SLC36A1: variants seen among roughly 807,000 people sequenced by gnomAD.
SLC36A1 encodes solute carrier family 36 member 1.
SLC36A1 carries 30 observed loss-of-function variants against 47.5 expected under a neutral mutation model. That is an observed-to-expected ratio of 0.63 (90% CI 0.47 to 0.86). SLC36A1 has a LOEUF of 0.86. Among genes scored for constraint, SLC36A1 ranks in the 40% least tolerant of loss-of-function variants. The pLI, the probability that SLC36A1 is intolerant of heterozygous loss-of-function variation, is 0.00. For missense variants in SLC36A1, 517 were observed against 606.0 expected (o/e 0.85, Z 1.54); for synonymous variants, 255 against 249.7 (o/e 1.02, Z -0.20).
chr5:151,417,681 CTT>C, the SLC36A1 span, among the ~76,000 whole-genome samples: 15 of 149,702 alleles, frequency 1.0e-4, no homozygotes, highest in African/African-American at 3.7e-4. Flanking sequence ...GGAATTGAAA[CTT>C]ATATTTAAAA....
the SLC36A1 span, among the ~76,000 whole-genome samples, chr5:151,506,938 C>A: frequency 1.3e-5 from 2 of 152,198 alleles, no homozygotes; most frequent in Non-Finnish European, 2.9e-5. Context: ...CATGGAGTGA[C>A]TTGGAATTTA....
At chr5:151,359,848 C>T in the SLC36A1 span, among the ~76,000 whole-genome samples, 12 of 152,180 alleles carry the variant, frequency 7.9e-5, no homozygotes, top group Non-Finnish European at 1.8e-4. Context: ...TAGAAACAAA[C>T]CAATAGTTTG....
At chr5:151,471,732 T>C (rs1757339719) in intron 7 of SLC36A1, among the ~76,000 whole-genome samples, 1 of 152,178 alleles carries the variant, frequency 6.6e-6, no homozygotes, top group South Asian at 2.1e-4. Context: ...TCAAAAGCAA[T>C]ATTACTGCTT....
At chr5:151,440,969 G>A (rs1752589250) in intron 1 of SLC36A1, among the ~76,000 whole-genome samples, 1 of 152,220 alleles carries the variant, frequency 6.6e-6, no homozygotes, top group Admixed American at 6.5e-5. Context: ...GCACGAGAGA[G>A]CATCAGACTC....
At chr5:151,524,354 A>G in the SLC36A1 span, among the ~76,000 whole-genome samples, 9 of 152,120 alleles carry the variant, frequency 5.9e-5, no homozygotes, top group Non-Finnish European at 1.3e-4. Flanking sequence ...CTCAAAATTC[A>G]TATGTTAAAA....
At chr5:151,544,164 G>A in the SLC36A1 span, 21 of 1,614,088 alleles carry the variant, frequency 1.3e-5, no homozygotes, top group Non-Finnish European at 5.1e-6. Flanking sequence ...TGATCTGGAA[G>A]AACTTGGAAA....
chr5:151,522,069 G>T, the SLC36A1 span: 287,547 of 1,586,952 alleles, frequency 0.18, 28,538 homozygotes, highest in Non-Finnish European at 0.2. Flanking sequence ...AGAGGGGAGG[G>T]ATGCCACTGT....
chr5:151,392,950 A>G, the SLC36A1 span, among the ~76,000 whole-genome samples: 1 of 151,920 alleles, frequency 6.6e-6, no homozygotes, highest in Non-Finnish European at 1.5e-5. Context: ...CAATTCCTGG[A>G]TATCCTTGTT....
the SLC36A1 span, among the ~76,000 whole-genome samples, chr5:151,514,922 G>C: frequency 0.79 from 119,713 of 152,242 alleles, 47,531 homozygotes; most frequent in East Asian, 0.96. Flanking sequence ...TACACACATG[G>C]TGTTATTGCT....
the SLC36A1 span, chr5:151,543,546 C>T: frequency 2.5e-6 from 4 of 1,614,206 alleles, no homozygotes; most frequent in Middle Eastern, 3.3e-4. Context: ...TGGAGAACTT[C>T]TCACTTGCTA....
chr5:151,443,621 T>C (rs1341821109), upstream of SLC36A1, among the ~76,000 whole-genome samples: 2 of 152,240 alleles, frequency 1.3e-5, no homozygotes, highest in Non-Finnish European at 2.9e-5. Flanking sequence ...AAGCTGCCGT[T>C]ACACTTTGTT....
In SLC36A1 at chr5:151,482,565, A is replaced by G. The variant is rs553558330; in HGVS notation, c.1159+3076A>G. ...GTCTTAATCCTCATGGGTGCCTTGT[A>G]AAAATAGTTGCAATTGTAGTTTACA... On this transcript the variant is annotated intron_variant, in intron 10 of 10. Transcript: ENST00000243389. 2.7e-4 allele frequency among the ~76,000 whole-genome samples: 41 copies of G among 152,322 alleles called. 2 individuals carry two copies. In the South Asian group the frequency reaches 8.3e-3, roughly 31 times the overall value.
At chr5:151,393,335 A>G in the SLC36A1 span, among the ~76,000 whole-genome samples, 1 of 152,116 alleles carries the variant, frequency 6.6e-6, no homozygotes, top group Non-Finnish European at 1.5e-5. Flanking sequence ...CAGCACACTG[A>G]TGGGTCTTGA....
chr5:151,358,796 AC>A, the SLC36A1 span, among the ~76,000 whole-genome samples: 1 of 150,134 alleles, frequency 6.7e-6, no homozygotes, highest in Non-Finnish European at 1.5e-5. Context: ...ACAAGGTGAA[AC>A]CCCGTCTCTA....
At chr5:151,544,432 T>A in the SLC36A1 span, 1 of 1,614,066 alleles carries the variant, frequency 6.2e-7, no homozygotes, top group African/African-American at 1.3e-5. Flanking sequence ...GGACTCATAG[T>A]CCAAAGGCCC....
At chr5:151,358,217 A>G in the SLC36A1 span, among the ~76,000 whole-genome samples, 4 of 152,138 alleles carry the variant, frequency 2.6e-5, no homozygotes, top group African/African-American at 9.7e-5. Flanking sequence ...GTCTTATGCA[A>G]AGACCCAAGT....
the SLC36A1 span, chr5:151,537,964 A>G: frequency 6.2e-7 from 1 of 1,612,050 alleles, no homozygotes; most frequent in South Asian, 1.1e-5. Flanking sequence ...TGGAAAGACA[A>G]AGAAGAGGGA....
chr5:151,353,874 T>C, the SLC36A1 span, among the ~76,000 whole-genome samples: 2 of 152,252 alleles, frequency 1.3e-5, no homozygotes, highest in African/African-American at 2.4e-5. Flanking sequence ...GTTTTCTCCA[T>C]GTTTTTTTAT....
chr5:151,364,312 A>C, the SLC36A1 span, among the ~76,000 whole-genome samples: 7 of 152,224 alleles, frequency 4.6e-5, no homozygotes, highest in African/African-American at 1.7e-4. Flanking sequence ...TATTTATTTT[A>C]AAAAATCCAT....
Sources: allele counts gnomAD v4.1 joint callset (sites outside exome capture counted in the v4.1 genomes callset), GRCh38; gene constraint gnomAD v4.1.1; transcripts MANE v1.5; gene names NCBI Gene and HGNC (gene_info 2026-07-23, HGNC 2026-07-21).